GPLD1: variants seen among roughly 807,000 people sequenced by gnomAD.
GPLD1 encodes the protein glycosylphosphatidylinositol specific phospholipase D1, also known as phosphatidylinositol-glycan-specific phospholipase D.
GPLD1 carries 84 observed loss-of-function variants against 112.6 expected under a neutral mutation model. The ratio of observed to expected loss-of-function variants is 0.75; its 90% confidence interval spans 0.63 to 0.89. The LOEUF (loss-of-function observed/expected upper bound fraction) is 0.89. GPLD1 is among the 40% of genes least tolerant of loss of function. The pLI is 0.00. For missense variants in GPLD1, 1,044 were observed against 1,051.5 expected (o/e 0.99, Z 0.10); for synonymous variants, 386 against 403.8 (o/e 0.96, Z 0.53).
At chr6:24,460,226 G>T in intron 12 of GPLD1, 53 bp downstream of exon 12, 1 of 1,602,186 alleles carries the variant, frequency 6.2e-7, no homozygotes, top group Middle Eastern at 1.7e-4. Flanking sequence ...GCGAAACAAG[G>T]TATCTCAAGA....
At chr6:24,470,705 T>C (rs1763787434) in intron 7 of GPLD1, among the ~76,000 whole-genome samples, 1 of 152,200 alleles carries the variant, frequency 6.6e-6, no homozygotes, top group African/African-American at 2.4e-5. Context: ...TTCAAGTGAT[T>C]CTCCTGCCTC....
chr6:24,438,376 G>T (rs1762644139), intron 20 of GPLD1, among the ~76,000 whole-genome samples: 1 of 152,208 alleles, frequency 6.6e-6, no homozygotes, highest in South Asian at 2.1e-4. Flanking sequence ...GGCACCTGTG[G>T]GTTGATGGGG....
chr6:24,492,374 C>G (rs972626815), upstream of GPLD1, among the ~76,000 whole-genome samples: 1 of 151,790 alleles, frequency 6.6e-6, no homozygotes, highest in African/African-American at 2.4e-5. Context: ...GGCATGGTGG[C>G]GCGCACCTGT....
chr6:24,462,698 T>C, intron 11 of GPLD1, 32 bp downstream of exon 11: 1 of 1,494,374 alleles, frequency 6.7e-7, no homozygotes, highest in East Asian at 2.3e-5. Context: ...TGAGATGTAC[T>C]TTTTCTATGA....
chr6:24,470,043 TG>T (rs940692539), intron 7 of GPLD1, among the ~76,000 whole-genome samples: 1 of 151,960 alleles, frequency 6.6e-6, no homozygotes, highest in African/African-American at 2.4e-5. Context: ...AAAAAAACCC[TG>T]GGAGGTAAGC....
chr6:24,435,173 G>A (rs985445969), intron 22 of GPLD1, among the ~76,000 whole-genome samples: 6 of 151,612 alleles, frequency 4.0e-5, no homozygotes, highest in African/African-American at 1.5e-4. Context: ...CACCAAGCCC[G>A]GCTAATTTTT....
Position 24,473,647 on chromosome 6 carries a change from A to G in GPLD1, c.462T>C (p.Tyr154=), listed in dbSNP as rs751489418. The G allele has an allele frequency of 6.2e-7, 1 of 1,609,346 alleles. No individual in the cohort carries two copies. The highest frequency in any genetic ancestry group is 8.5e-7 in the Non-Finnish European group (1 of 1,175,920). Residue 154 remains tyrosine (Y), a synonymous_variant, in exon 6 of 25, where the codon TAT becomes TAC. Transcript: ENST00000230036. Reference sequence around the variant, plus strand: ...AATCACCAGCCGAATGAGCCTCTGAATAGGAGCCGTGAAAATCAATCTAAG... The same window carrying G: ...AATCACCAGCCGAATGAGCCTCTGAGTAGGAGCCGTGAAAATCAATCTAAG... ...TMGAIDFHGS[Y]SEAHSAGDFG... is the part of the protein sequence containing the mutation.
Position 24,479,953 on chromosome 6 carries a change from G to A in GPLD1, c.160C>T (p.Leu54=). 2.5e-6 allele frequency: 4 copies of A among 1,603,210 alleles called. No homozygotes were observed. The highest frequency in any genetic ancestry group is 2.2e-5 in the East Asian group (1 of 44,826). ...NGRVNYRELL[L]EHQDAYQAGI... ...GCCTGATACGCATCCTGGTGTTCTAGTAACAGCTGCAGAGCAAGAAAATAC... is the reference window on the plus strand; with the variant it reads ...GCCTGATACGCATCCTGGTGTTCTAATAACAGCTGCAGAGCAAGAAAATAC... The change falls in exon 3 of 25, where the codon CTA becomes TTA. Residue 54 remains leucine, a synonymous_variant. Coordinates refer to ENST00000230036, the MANE Select transcript of GPLD1 (RefSeq NM_001503.4).
At chr6:24,461,400 T>G (rs192095740) in intron 11 of GPLD1, among the ~76,000 whole-genome samples, 1,571 of 151,718 alleles carry the variant, frequency 0.01, 7 homozygotes, top group African/African-American at 0.02. Flanking sequence ...CTGAACACTT[T>G]CTGTGTAATT....
chr6:24,451,373 G>T (rs976706784), intron 14 of GPLD1, among the ~76,000 whole-genome samples: 1 of 151,744 alleles, frequency 6.6e-6, no homozygotes, highest in Non-Finnish European at 1.5e-5. Flanking sequence ...ATGGAGTTTC[G>T]CTCTTGTTGC....
upstream of GPLD1, among the ~76,000 whole-genome samples, chr6:24,490,066 C>T (rs1004154660): frequency 5.9e-5 from 9 of 152,134 alleles, no homozygotes; most frequent in African/African-American, 2.2e-4. Context: ...CAGTATTTGG[C>T]AACAGATACT....
intron 5 of GPLD1, among the ~76,000 whole-genome samples, chr6:24,474,169 CCACATA>C (rs1302740764): frequency 1.3e-4 from 10 of 74,280 alleles, no homozygotes; most frequent in African/African-American, 2.7e-4. Flanking sequence ...AAAACCACAC[CCACATA>C]CACACACACA....
At chr6:24,475,532 T>A (rs1404583467) in intron 4 of GPLD1, among the ~76,000 whole-genome samples, 1 of 124,702 alleles carries the variant, frequency 8.0e-6, no homozygotes, top group Non-Finnish European at 1.7e-5. Context: ...AGAGCAAGAC[T>A]CTGTCTCAAA....
chr6:24,442,131 A>G (rs1762767525), intron 20 of GPLD1, among the ~76,000 whole-genome samples: 1 of 150,854 alleles, frequency 6.6e-6, no homozygotes, highest in Admixed American at 6.6e-5. Flanking sequence ...ATTATTATTT[A>G]TCTTTTAAAA....
At chr6:24,445,492 G>T in intron 20 of GPLD1, 54 bp downstream of exon 20, 1 of 1,198,472 alleles carries the variant, frequency 8.3e-7, no homozygotes, top group Non-Finnish European at 1.2e-6. Flanking sequence ...AATACGACAT[G>T]TACAAGCAGC....
At chr6:24,437,857 G>C (rs1581732666) in intron 20 of GPLD1, among the ~76,000 whole-genome samples, 1 of 152,144 alleles carries the variant, frequency 6.6e-6, no homozygotes, top group Non-Finnish European at 1.5e-5. Flanking sequence ...TGCAGAATTT[G>C]GCTCAGGTGT....
rs569230522 is a variant in GPLD1, at chr6:24,427,383, G to A, written c.*1649C>T. ...TTTGGCACAAGTTGTAACCTAATGC[G>A]ACAAAGGTCCCTCATGAGATGGCTT... is the stretch of plus-strand genomic sequence containing the variant. On this transcript the variant is annotated 3_prime_UTR_variant, in exon 25 of 25. Transcript: ENST00000230036. Among the ~76,000 whole-genome samples the A allele has an allele frequency of 3.5e-4, 54 of 152,274 alleles. No homozygotes were observed. The highest frequency in any genetic ancestry group is 2.5e-3 in the Admixed American group (39 of 15,296).
upstream of GPLD1, among the ~76,000 whole-genome samples, chr6:24,493,182 T>G (rs1258572814): frequency 1.3e-5 from 2 of 152,198 alleles, no homozygotes; most frequent in East Asian, 3.9e-4. Context: ...GAGGCCTCAA[T>G]TGAATGATTT....
At chr6:24,472,759 T>C in intron 6 of GPLD1, 123 bp from the exon 7 acceptor site, 2 of 663,354 alleles carry the variant, frequency 3.0e-6, no homozygotes, top group South Asian at 1.8e-5. Context: ...TTTTTGTTCA[T>C]TGTTTTAGGT....
Sources: allele counts gnomAD v4.1 joint callset (sites outside exome capture counted in the v4.1 genomes callset), GRCh38; gene constraint gnomAD v4.1.1; transcripts MANE v1.5; gene names NCBI Gene and HGNC (gene_info 2026-07-23, HGNC 2026-07-21).